Variants in ABHD5 observed in about 807,000 individuals in gnomAD.
ABHD5 encodes the protein 1-acylglycerol-3-phosphate O-acyltransferase ABHD5.
Under a neutral mutation model 44.9 loss-of-function variants are expected in ABHD5, and 30 were observed. The observed-to-expected ratio is 0.67, with a 90% CI of 0.50 to 0.91. The LOEUF is 0.91. Among genes scored for constraint, ABHD5 ranks in the 40% least tolerant of loss-of-function variants. The probability of loss-of-function intolerance (pLI) is 0.00; values close to 1 mark genes in which losing one functional copy is unlikely to be tolerated. For missense variants in ABHD5, 399 were observed against 423.4 expected (o/e 0.94, Z 0.50); for synonymous variants, 167 against 147.0 (o/e 1.14, Z -0.99).
rs2084798318 is a variant in ABHD5, at chr3:43,718,603, TGAA to T, written c.*74_*76del. The T allele has an allele frequency of 5.0e-6, 7 of 1,402,240 alleles. No homozygotes were observed. In the Admixed American group the frequency reaches 1.2e-4, roughly 24 times the overall value. The allele number at this position is 1,402,240 out of a possible 1,614,324, so 86.9% of individuals were successfully genotyped here. A position where few individuals can be genotyped will look rare whatever the true frequency, so the allele number is the denominator to read the frequency against. On this transcript the variant is annotated 3_prime_UTR_variant, in exon 7 of 7. Transcript: ENST00000644371. ...TTCAGCAATAATTCATAGTCTGTGA[TGAA>T]GAGTAGTGAATACAACACACAACCA...
In ABHD5 at chr3:43,699,352, A is replaced by G; in HGVS notation, c.124A>G (p.Met42Val). 1 of 1,613,036 alleles carries G rather than the reference A, an allele frequency of 6.2e-7. No individual in the cohort carries two copies. Among genetic ancestry groups the G allele is most frequent in the South Asian group, 1.1e-5 (1 of 91,044 alleles). The part of the protein sequence containing the change: ...ISHLKEAEEK[M>V]LKCVPCTYKK... Reference sequence around the variant, plus strand: ...ACACCTTAAAGAAGCTGAAGAGAAGATGTTAAAATGTAAGGCTTTCTTCTT... The same window carrying G: ...ACACCTTAAAGAAGCTGAAGAGAAGGTGTTAAAATGTAAGGCTTTCTTCTT... Residue 42 changes from methionine (M) to valine (V), a missense_variant, in exon 2 of 7, where the codon ATG becomes GTG. Coordinates refer to ENST00000644371, the MANE Select transcript of ABHD5 (RefSeq NM_016006.6).
In ABHD5 at chr3:43,702,596, T is replaced by C. The variant is rs773922601; in HGVS notation, c.506+9T>C. Reference sequence around the variant, plus strand: ...CTGAAGTACCCATCAAGGTAAGTGGTGGTGACAGAAGAGAGGGATTATAAC... The same window carrying C: ...CTGAAGTACCCATCAAGGTAAGTGGCGGTGACAGAAGAGAGGGATTATAAC... On this transcript the variant is annotated intron_variant, in intron 3 of 6. Coordinates refer to ENST00000644371, the MANE Select transcript of ABHD5 (RefSeq NM_016006.6). 2 of 1,614,098 alleles carry C rather than the reference T, an allele frequency of 1.2e-6. No homozygotes were observed. The highest frequency in any genetic ancestry group is 1.7e-6 in the Non-Finnish European group (2 of 1,179,990).
downstream of ABHD5, among the ~76,000 whole-genome samples, chr3:43,726,535 A>G (rs2084879012): frequency 6.6e-6 from 1 of 152,192 alleles, no homozygotes; most frequent in African/African-American, 2.4e-5. Flanking sequence ...CGTCTTCCTT[A>G]TCAAAGTTTC....
intron 1 of ABHD5, chr3:43,691,701 T>A (rs557741544): frequency 6.6e-6 from 1 of 152,344 alleles, no homozygotes; most frequent in South Asian, 2.1e-4. Context: ...GAGTTTCAGA[T>A]ACTTCATAGA....
intron 7 of ABHD5, among the ~76,000 whole-genome samples, chr3:43,727,910 T>C (rs1476544979): frequency 6.6e-6 from 1 of 152,108 alleles, no homozygotes; most frequent in African/African-American, 2.4e-5. Context: ...CACCTGGCCG[T>C]ATTTGTACTA....
chr3:43,699,933 G>T (rs769479540), intron 2 of ABHD5, among the ~76,000 whole-genome samples: 3 of 152,158 alleles, frequency 2.0e-5, no homozygotes, highest in Non-Finnish European at 4.4e-5. Context: ...GTATTATGAT[G>T]AAAATAGTTT....
intron 3 of ABHD5, among the ~76,000 whole-genome samples, chr3:43,704,869 T>C (rs560625652): frequency 6.6e-6 from 1 of 152,322 alleles, no homozygotes; most frequent in East Asian, 1.9e-4. Flanking sequence ...TAGCAGTAGA[T>C]GGATATGAGA....
At chr3:43,718,384 C>T in intron 6 of ABHD5, 59 bp from the exon 7 acceptor site, 2 of 1,373,164 alleles carry the variant, frequency 1.5e-6, no homozygotes, top group South Asian at 2.3e-5. Flanking sequence ...GCTTATATAT[C>T]ATTCTGTTTT....
intron 5 of ABHD5, 122 bp from the exon 6 acceptor site, chr3:43,717,549 A>G: frequency 2.1e-6 from 2 of 972,258 alleles, no homozygotes; most frequent in East Asian, 5.2e-5. Context: ...TTTTCTATTT[A>G]AGCTGAGGTT....
At chr3:43,713,831 T>A (rs2084720594) in intron 4 of ABHD5, among the ~76,000 whole-genome samples, 1 of 151,968 alleles carries the variant, frequency 6.6e-6, no homozygotes, top group Non-Finnish European at 1.5e-5. Context: ...GGCTCTTTAA[T>A]GCCATGCCCT....
chr3:43,717,997 C>A, intron 6 of ABHD5, 140 bp downstream of exon 6: 1 of 1,056,982 alleles, frequency 9.5e-7, no homozygotes, highest in South Asian at 1.4e-5. Flanking sequence ...CGTGATACCA[C>A]CTGTGATGGG....
At position 43,696,287 on chromosome 3, in the gene ABHD5, T is replaced by C. The variant is rs2084473371; in HGVS notation, c.48-2989T>C. 2.6e-5 allele frequency among the ~76,000 whole-genome samples: 4 copies of C among 152,248 alleles called. No homozygotes were observed. In the South Asian group the frequency reaches 8.3e-4, roughly 31 times the overall value. On this transcript the variant is annotated intron_variant, in intron 1 of 6. Coordinates refer to ENST00000644371, the MANE Select transcript of ABHD5 (RefSeq NM_016006.6). ...AGTTAGGTTTTGCTTTTCTATTTAT[T>C]TTCCAAAGCTATGAGGAAGAGGCAT...
intron 3 of ABHD5, among the ~76,000 whole-genome samples, chr3:43,705,593 C>T (rs563030559): frequency 9.9e-5 from 15 of 152,274 alleles, no homozygotes; most frequent in Non-Finnish European, 2.1e-4. Context: ...TTATAGTTTA[C>T]TTTTTCCCTG....
At chr3:43,730,878 G>T (rs1458676469) in intron 7 of ABHD5, among the ~76,000 whole-genome samples, 3 of 151,702 alleles carry the variant, frequency 2.0e-5, no homozygotes, top group Non-Finnish European at 2.9e-5. Context: ...GCCCAGGCTG[G>T]AGTGCAGTGG....
At chr3:43,717,188 A>C (rs988799361) in intron 5 of ABHD5, among the ~76,000 whole-genome samples, 14 of 133,528 alleles carry the variant, frequency 1.0e-4, no homozygotes, top group Non-Finnish European at 1.4e-4. Context: ...AAAAACAAAA[A>C]AAACAAAAAA....
rs1291601710 is a variant in ABHD5 at position 43,700,004 on chromosome 3, A to G, written c.133+643A>G. Among the ~76,000 whole-genome samples the G allele has an allele frequency of 5.3e-5, 8 of 152,162 alleles. No homozygotes were observed. In the East Asian group the frequency reaches 7.7e-4, roughly 15 times the overall value. On this transcript the variant is annotated intron_variant, in intron 2 of 6. Coordinates refer to ENST00000644371, the MANE Select transcript of ABHD5 (RefSeq NM_016006.6). ...ACCCCCCCTGACTCTGCTTGAGACTATGCTTTGAGAACAGATTCTAGGTGT... is the reference window on the plus strand; with the variant it reads ...ACCCCCCCTGACTCTGCTTGAGACTGTGCTTTGAGAACAGATTCTAGGTGT...
chr3:43,706,467 AC>A (rs1427102821), intron 3 of ABHD5, among the ~76,000 whole-genome samples: 1 of 146,906 alleles, frequency 6.8e-6, no homozygotes, highest in Non-Finnish European at 1.5e-5. Context: ...TGAGAATGTT[AC>A]CTTTTTTTTT....
intron 3 of ABHD5, chr3:43,707,628 C>T (rs954405213): frequency 2.0e-5 from 3 of 152,050 alleles, no homozygotes; most frequent in Non-Finnish European, 4.4e-5. Flanking sequence ...AATTGTTCTC[C>T]TTTCTTTTTT....
At chr3:43,716,794 C>T (rs1448244789) in intron 5 of ABHD5, among the ~76,000 whole-genome samples, 3 of 152,200 alleles carry the variant, frequency 2.0e-5, no homozygotes, top group East Asian at 1.9e-4. Flanking sequence ...TACATGTGTT[C>T]GTGTAGTCCT....
Sources: allele counts gnomAD v4.1 joint callset (sites outside exome capture counted in the v4.1 genomes callset), GRCh38; gene constraint gnomAD v4.1.1; transcripts MANE v1.5; gene names NCBI Gene and HGNC (gene_info 2026-07-23, HGNC 2026-07-21).